Variants in AFG2A observed in about 807,000 individuals in gnomAD.
The protein encoded by AFG2A is AAA ATPase AFG2A, also known as ATPase family gene 2 protein homolog A.
chr4:123,235,455 G>A, the AFG2A span, among the ~76,000 whole-genome samples: 4 of 152,104 alleles, frequency 2.6e-5, no homozygotes, highest in African/African-American at 9.7e-5. Context: ...ACTTGACCTC[G>A]CCATCAGTCT....
At chr4:122,931,374 T>G in the AFG2A span, among the ~76,000 whole-genome samples, 1 of 152,162 alleles carries the variant, frequency 6.6e-6, no homozygotes, top group Non-Finnish European at 1.5e-5. Flanking sequence ...TTATTTGTGG[T>G]TAGTTATGTT....
chr4:122,956,150 C>T, the AFG2A span, among the ~76,000 whole-genome samples: 1 of 152,126 alleles, frequency 6.6e-6, no homozygotes, highest in Non-Finnish European at 1.5e-5. Flanking sequence ...TTGTAAACAA[C>T]TACAAATATA....
At chr4:123,272,039 G>A in the AFG2A span, among the ~76,000 whole-genome samples, 2 of 151,994 alleles carry the variant, frequency 1.3e-5, no homozygotes, top group South Asian at 4.2e-4. Context: ...AATTCTTTGA[G>A]GAAAAGACAC....
At chr4:122,934,281 G>A in the AFG2A span, 2 of 1,614,192 alleles carry the variant, frequency 1.2e-6, no homozygotes, top group Non-Finnish European at 8.5e-7. Flanking sequence ...GTAGCCTGGA[G>A]TTATCCTTAC....
At chr4:123,104,314 G>C in the AFG2A span, among the ~76,000 whole-genome samples, 1 of 151,958 alleles carries the variant, frequency 6.6e-6, no homozygotes, top group Non-Finnish European at 1.5e-5. Context: ...ATGTAAGACA[G>C]CAAACCTAAT....
the AFG2A span, among the ~76,000 whole-genome samples, chr4:123,291,943 A>G: frequency 6.6e-6 from 1 of 152,274 alleles, no homozygotes; most frequent in East Asian, 1.9e-4. Context: ...GTTTCCCTCA[A>G]TTATTCTCTC....
the AFG2A span, among the ~76,000 whole-genome samples, chr4:123,144,092 G>A: frequency 6.6e-6 from 1 of 151,868 alleles, no homozygotes; most frequent in Non-Finnish European, 1.5e-5. Context: ...GTATACCTGG[G>A]GAAAAGGCAG....
At chr4:123,067,521 A>G in the AFG2A span, among the ~76,000 whole-genome samples, 1 of 151,746 alleles carries the variant, frequency 6.6e-6, no homozygotes, top group Non-Finnish European at 1.5e-5. Flanking sequence ...CATCCCCCCC[A>G]AAAAAAAGAA....
chr4:123,043,691 A>G, the AFG2A span, among the ~76,000 whole-genome samples: 2 of 152,196 alleles, frequency 1.3e-5, no homozygotes, highest in African/African-American at 4.8e-5. Flanking sequence ...AAAGATTAAG[A>G]AACAAAAAGA....
At chr4:123,000,334 A>C in the AFG2A span, among the ~76,000 whole-genome samples, 1 of 150,966 alleles carries the variant, frequency 6.6e-6, no homozygotes, top group African/African-American at 2.4e-5. Context: ...AGAACTTCCA[A>C]CACTATGTTG....
At chr4:122,981,051 T>C in the AFG2A span, among the ~76,000 whole-genome samples, 1 of 152,146 alleles carries the variant, frequency 6.6e-6, no homozygotes, top group African/African-American at 2.4e-5. Flanking sequence ...GCTTTTGGAG[T>C]GTATCCAAAA....
the AFG2A span, among the ~76,000 whole-genome samples, chr4:123,301,094 G>A: frequency 7.0e-3 from 1,063 of 152,040 alleles, 9 homozygotes; most frequent in African/African-American, 0.024. Context: ...CCCCTTTTTG[G>A]TTTTGGATCC....
chr4:123,019,405 A>G, the AFG2A span, among the ~76,000 whole-genome samples: 2 of 152,192 alleles, frequency 1.3e-5, no homozygotes, highest in Non-Finnish European at 2.9e-5. Context: ...ACATGCACAC[A>G]TGTGTGTTTG....
At chr4:122,976,810 G>C in the AFG2A span, among the ~76,000 whole-genome samples, 3 of 152,128 alleles carry the variant, frequency 2.0e-5, no homozygotes. Flanking sequence ...AAGGGCAGGG[G>C]CAAAAGCATG....
chr4:123,190,196 T>G, the AFG2A span, among the ~76,000 whole-genome samples: 1 of 152,196 alleles, frequency 6.6e-6, no homozygotes, highest in African/African-American at 2.4e-5. Context: ...GTGTATCGGC[T>G]TAAATATTTA....
the AFG2A span, among the ~76,000 whole-genome samples, chr4:123,136,172 A>G: frequency 6.6e-6 from 1 of 152,238 alleles, no homozygotes; most frequent in East Asian, 1.9e-4. Context: ...GTAAATTAAT[A>G]TGTGGGTTTT....
At chr4:123,318,648 A>G in the AFG2A span, 105,174 of 151,808 alleles carry the variant, frequency 0.69, 38,285 homozygotes, top group Non-Finnish European at 0.8. Context: ...AAAGCTGGGC[A>G]TGGTGGCACA....
At chr4:122,983,990 C>T in the AFG2A span, among the ~76,000 whole-genome samples, 1 of 152,188 alleles carries the variant, frequency 6.6e-6, no homozygotes, top group Non-Finnish European at 1.5e-5. Context: ...CAACAACCTT[C>T]AGCCCTAGAC....
chr4:122,985,155 T>C, the AFG2A span, among the ~76,000 whole-genome samples: 1 of 151,538 alleles, frequency 6.6e-6, no homozygotes, highest in Non-Finnish European at 1.5e-5. Flanking sequence ...GGAGTAGTTT[T>C]GCTCTTGTTG....
Sources: gnomAD v4.1 joint callset for allele counts (sites outside exome capture counted in the v4.1 genomes callset) on GRCh38, gnomAD v4.1.1 for gene constraint, MANE v1.5 for transcripts, NCBI Gene and HGNC (gene_info 2026-07-23, HGNC 2026-07-21) for gene names.